The following CTNNA3 variants were observed in gnomAD, a reference collection of about 807,000 sequenced individuals.
CTNNA3 encodes the protein catenin alpha 3, also known as catenin alpha-3.
CTNNA3 carries 76 observed loss-of-function variants against 95.7 expected under a neutral mutation model. That is an observed-to-expected ratio of 0.79 (90% CI 0.66 to 0.96). CTNNA3 has a LOEUF of 0.96. Among genes scored for constraint, CTNNA3 ranks in the 40% least tolerant of loss-of-function variants. The probability of loss-of-function intolerance (pLI) is 0.00; values close to 1 mark genes in which losing one functional copy is unlikely to be tolerated. For missense variants in CTNNA3, 1,191 were observed against 1,089.8 expected (o/e 1.09, Z -1.31); for synonymous variants, 431 against 374.4 (o/e 1.15, Z -1.74).
chr10:67,479,185 C>T (rs1332360260), intron 5 of CTNNA3, among the ~76,000 whole-genome samples: 1 of 152,094 alleles, frequency 6.6e-6, no homozygotes, highest in Non-Finnish European at 1.5e-5. Flanking sequence ...CAAAATTAGG[C>T]AGATCACTGA....
At chr10:67,113,794 T>G (rs988623530) in intron 7 of CTNNA3, among the ~76,000 whole-genome samples, 1 of 152,230 alleles carries the variant, frequency 6.6e-6, no homozygotes, top group Non-Finnish European at 1.5e-5. Context: ...TTTGGCTAAC[T>G]TTGTTAATAA....
chr10:66,600,081 C>T (rs1490891714), intron 10 of CTNNA3, among the ~76,000 whole-genome samples: 1 of 151,838 alleles, frequency 6.6e-6, no homozygotes, highest in Admixed American at 6.6e-5. Context: ...AACAACCAGG[C>T]TAACACAGTT....
chr10:66,457,126 A>G (rs1033870132), intron 11 of CTNNA3, among the ~76,000 whole-genome samples: 2 of 152,102 alleles, frequency 1.3e-5, no homozygotes, highest in East Asian at 3.9e-4. Context: ...AAACAAAAAA[A>G]CCTTTACAAC....
At chr10:67,731,554 G>A (rs1435168494) in intron 1 of CTNNA3, among the ~76,000 whole-genome samples, 1 of 151,954 alleles carries the variant, frequency 6.6e-6, no homozygotes, top group African/African-American at 2.4e-5. Context: ...TGTAATCCCA[G>A]CACTTTGGGA....
intron 6 of CTNNA3, among the ~76,000 whole-genome samples, chr10:67,214,018 A>C (rs867141262): frequency 6.6e-6 from 1 of 151,802 alleles, no homozygotes; most frequent in Non-Finnish European, 1.5e-5. Context: ...CTTGATTCTT[A>C]AGTGTTAGAT....
At chr10:66,505,678 A>G (rs928795738) in intron 11 of CTNNA3, among the ~76,000 whole-genome samples, 1 of 152,110 alleles carries the variant, frequency 6.6e-6, no homozygotes, top group African/African-American at 2.4e-5. Context: ...TGAATGTGTC[A>G]GTCATGTGCT....
intron 7 of CTNNA3, among the ~76,000 whole-genome samples, chr10:67,156,646 A>C (rs1285748010): frequency 6.6e-6 from 1 of 152,150 alleles, no homozygotes; most frequent in African/African-American, 2.4e-5. Flanking sequence ...TCAGAAAAAA[A>C]AAATACTTGG....
At chr10:66,833,564 T>A (rs768338637) in intron 7 of CTNNA3, among the ~76,000 whole-genome samples, 94 of 152,196 alleles carry the variant, frequency 6.2e-4, no homozygotes, top group Non-Finnish European at 3.2e-4. Flanking sequence ...ATTAGGAAAC[T>A]AAGTTTCAGA....
At chr10:67,588,999 C>A (rs376445946) in intron 3 of CTNNA3, among the ~76,000 whole-genome samples, 1 of 151,552 alleles carries the variant, frequency 6.6e-6, no homozygotes, top group Non-Finnish European at 1.5e-5. Flanking sequence ...TTGACTTTTG[C>A]GAGCCCAGCA....
chr10:67,685,174 G>T (rs772829770), intron 1 of CTNNA3, among the ~76,000 whole-genome samples: 1 of 152,168 alleles, frequency 6.6e-6, no homozygotes, highest in African/African-American at 2.4e-5. Context: ...ATGTTACTCC[G>T]TTAACTTTTA....
chr10:66,287,739 C>G (rs1393657086), intron 12 of CTNNA3, among the ~76,000 whole-genome samples: 1 of 151,992 alleles, frequency 6.6e-6, no homozygotes, highest in East Asian at 1.9e-4. Context: ...AATATCCAAC[C>G]AATCCATCAG....
intron 6 of CTNNA3, among the ~76,000 whole-genome samples, chr10:67,204,126 A>G (rs1176226054): frequency 1.3e-5 from 2 of 150,766 alleles, no homozygotes; most frequent in African/African-American, 2.5e-5. Context: ...TTAGACCTAA[A>G]AGTATTTTTT....
intron 15 of CTNNA3, among the ~76,000 whole-genome samples, chr10:66,038,148 G>A (rs1486917624): frequency 6.6e-6 from 1 of 152,212 alleles, no homozygotes; most frequent in African/African-American, 2.4e-5. Flanking sequence ...ACAGTTTCAT[G>A]TCTATATGTA....
chr10:67,665,427 A>G (rs2133538230), intron 1 of CTNNA3: 1 of 152,352 alleles, frequency 6.6e-6, no homozygotes, highest in Middle Eastern at 3.4e-3. Flanking sequence ...TTTTATAGAA[A>G]TAATGTCCTT....
At chr10:66,749,573 T>C (rs905477429) in intron 9 of CTNNA3, among the ~76,000 whole-genome samples, 3 of 152,188 alleles carry the variant, frequency 2.0e-5, no homozygotes, top group African/African-American at 4.8e-5. Context: ...AATATTCCCA[T>C]TGTCTGGATA....
intron 7 of CTNNA3, among the ~76,000 whole-genome samples, chr10:66,918,624 A>ATGAT (rs1589423468): frequency 6.6e-6 from 1 of 152,348 alleles, no homozygotes; most frequent in Admixed American, 6.5e-5. Context: ...CCAACACATC[A>ATGAT]ATGGCATTAC....
At chr10:66,706,241 T>A (rs537094842) in intron 9 of CTNNA3, among the ~76,000 whole-genome samples, 39 of 152,172 alleles carry the variant, frequency 2.6e-4, no homozygotes, top group Admixed American at 2.6e-3. Context: ...CCTTCCATCC[T>A]TCATCCATTC....
intron 7 of CTNNA3, among the ~76,000 whole-genome samples, chr10:66,778,491 A>G (rs1840402821): frequency 6.6e-6 from 1 of 152,184 alleles, no homozygotes. Context: ...TGCTCAGAAA[A>G]GAGACTGCTC....
chr10:66,182,349 G>A (rs1286595360), intron 13 of CTNNA3, among the ~76,000 whole-genome samples: 1 of 149,676 alleles, frequency 6.7e-6, no homozygotes, highest in Non-Finnish European at 1.5e-5. Flanking sequence ...TCCGCCTCCC[G>A]GGTTCACGCC....
Sources: gnomAD v4.1 joint callset for allele counts (sites outside exome capture counted in the v4.1 genomes callset) on GRCh38, gnomAD v4.1.1 for gene constraint, MANE v1.5 for transcripts, NCBI Gene and HGNC (gene_info 2026-07-23, HGNC 2026-07-21) for gene names.